The following STK31 variants were observed in gnomAD, a reference collection of about 807,000 sequenced individuals.
STK31 encodes serine/threonine kinase 31.
A neutral mutation model predicts 129.7 loss-of-function variants in STK31; 89 were observed. The ratio of observed to expected loss-of-function variants is 0.69; its 90% CI spans 0.58 to 0.82. STK31 has a LOEUF of 0.82. STK31 is among the 40% of genes least tolerant of loss of function. The pLI is 0.00. For synonymous variants in STK31, 448 were observed against 395.3 expected, an observed-to-expected ratio of 1.13 and a Z score of -1.58; for missense variants, 1,187 against 1,176.4, an observed-to-expected ratio of 1.01 and a Z score of -0.13.
intron 4 of STK31, among the ~76,000 whole-genome samples, chr7:23,724,850 G>A (rs1458314639): frequency 6.6e-6 from 1 of 152,124 alleles, no homozygotes; most frequent in Non-Finnish European, 1.5e-5. Flanking sequence ...TTATTTATTT[G>A]TTTGTCTGAA....
At chr7:23,716,606 C>G (rs1057077881) in intron 3 of STK31, among the ~76,000 whole-genome samples, 1 of 152,064 alleles carries the variant, frequency 6.6e-6, no homozygotes, top group Non-Finnish European at 1.5e-5. Context: ...GCTGTCTCTT[C>G]TCTGCCATTT....
chr7:23,825,304 A>G (rs530777152), intron 23 of STK31, among the ~76,000 whole-genome samples: 87 of 152,242 alleles, frequency 5.7e-4, no homozygotes, highest in African/African-American at 8.7e-4. Flanking sequence ...CAGAGATTCA[A>G]CTTCTTCCTG....
intron 6 of STK31, 107 bp from the exon 7 acceptor site, chr7:23,735,431 A>T: frequency 1.0e-6 from 1 of 981,278 alleles, no homozygotes; most frequent in Non-Finnish European, 1.5e-6. Context: ...AAAGTAATAT[A>T]GAGATTTTAG....
intron 23 of STK31, among the ~76,000 whole-genome samples, chr7:23,830,626 GTGTT>G (rs1334703870): frequency 6.8e-5 from 10 of 145,996 alleles, no homozygotes; most frequent in African/African-American, 2.5e-4. Flanking sequence ...GTGTGTGTGT[GTGTT>G]GTTTTTGAGC....
At chr7:23,724,455 G>C (rs2128069551) in intron 4 of STK31, among the ~76,000 whole-genome samples, 1 of 152,338 alleles carries the variant, frequency 6.6e-6, no homozygotes, top group South Asian at 2.1e-4. Context: ...AAAATTTAAA[G>C]TAGCGAGTTA....
chr7:23,819,836 C>A (rs1793696975), intron 23 of STK31, among the ~76,000 whole-genome samples: 1 of 152,028 alleles, frequency 6.6e-6, no homozygotes, highest in African/African-American at 2.4e-5. Flanking sequence ...CAAATAATGT[C>A]CTTTGAAATG....
At chr7:23,730,560 C>T (rs1341248477) in intron 6 of STK31, among the ~76,000 whole-genome samples, 3 of 151,958 alleles carry the variant, frequency 2.0e-5, no homozygotes, top group South Asian at 2.1e-4. Flanking sequence ...ATCTTGTTTA[C>T]GGACCTTAGA....
chr7:23,786,145 T>G (rs1330847761), intron 18 of STK31, among the ~76,000 whole-genome samples: 1 of 152,122 alleles, frequency 6.6e-6, no homozygotes, highest in Non-Finnish European at 1.5e-5. Flanking sequence ...ATCCAATATC[T>G]TTTTAAAATT....
chr7:23,731,129 C>T (rs1787409995), intron 6 of STK31, among the ~76,000 whole-genome samples: 1 of 151,410 alleles, frequency 6.6e-6, no homozygotes, highest in Non-Finnish European at 1.5e-5. Context: ...AGAGATCCCC[C>T]TGTCTCTGCC....
At chr7:23,710,892 A>C (rs1785912318) in intron 1 of STK31, 1 of 713,696 alleles carries the variant, frequency 1.4e-6, no homozygotes, top group South Asian at 6.3e-5. Flanking sequence ...TTCCGTGGGA[A>C]TATATAGTCT....
At chr7:23,740,741 C>T (rs1171941187) in intron 8 of STK31, among the ~76,000 whole-genome samples, 8 of 151,928 alleles carry the variant, frequency 5.3e-5, no homozygotes, top group Non-Finnish European at 1.2e-4. Context: ...TGAGAACATG[C>T]GGTGTTTGGT....
In STK31 at chr7:23,787,726, CA is replaced by C. The variant is rs914019849; in HGVS notation, c.2488-250del. ...TTTCATGAAACCGGTCCCTGGTGCCCAAAAGGTATGATTGTACACACACACA... is the reference window on the plus strand; with the variant it reads ...TTTCATGAAACCGGTCCCTGGTGCCCAAAGGTATGATTGTACACACACACA... On this transcript the variant is annotated intron_variant, in intron 20 of 23. Transcript: ENST00000355870. Among the ~76,000 whole-genome samples the C allele has an allele frequency of 7.4e-5, 11 of 148,568 alleles. No individual in the cohort carries two copies. In the Admixed American group the frequency reaches 7.5e-4, roughly 10 times the overall value.
chr7:23,807,116 AAGATAGTC>A (rs1792762290), intron 22 of STK31, among the ~76,000 whole-genome samples: 1 of 152,040 alleles, frequency 6.6e-6, no homozygotes, highest in South Asian at 2.1e-4. Flanking sequence ...TTTGTTTTTT[AAGATAGTC>A]TATTTACCCA....
intron 6 of STK31, among the ~76,000 whole-genome samples, chr7:23,733,991 A>G (rs1584350461): frequency 6.6e-6 from 1 of 152,066 alleles, no homozygotes; most frequent in African/African-American, 2.4e-5. Context: ...TACCCTCTAT[A>G]CTACTGTGTA....
Position 23,754,229 on chromosome 7 carries a change from T to C in STK31, c.1134-86T>C, listed in dbSNP as rs147763092. 3.2e-4 allele frequency: 447 copies of C among 1,410,302 alleles called. 2 individuals carry two copies. In the African/African-American group the frequency reaches 5.2e-3, roughly 16 times the overall value. The allele number at this position is 1,410,302 out of a possible 1,614,324, so 87.4% of individuals were successfully genotyped here. On this transcript the variant is annotated intron_variant, in intron 9 of 23. Transcript: ENST00000355870. Reference sequence around the variant, plus strand: ...AGCCAGTGCTGTAAACACTAACTTTTAGACCATTACTATTAAAGTGTAACT... The same window carrying C: ...AGCCAGTGCTGTAAACACTAACTTTCAGACCATTACTATTAAAGTGTAACT...
At chr7:23,805,954 G>C (rs866865726) in intron 22 of STK31, among the ~76,000 whole-genome samples, 5 of 152,198 alleles carry the variant, frequency 3.3e-5, no homozygotes, top group Admixed American at 6.5e-5. Flanking sequence ...CCAAAGTATA[G>C]ATATGAGAAT....
chr7:23,769,221 A>T (rs1230576826), intron 12 of STK31, 47 bp downstream of exon 12: 2 of 1,450,514 alleles, frequency 1.4e-6, no homozygotes, highest in Non-Finnish European at 1.8e-6. Context: ...AAACCAGGGA[A>T]TATATATTTT....
chr7:23,721,447 A>ATT, intron 4 of STK31: 1 of 1,070,962 alleles, frequency 9.3e-7, no homozygotes, highest in East Asian at 2.4e-5. Flanking sequence ...CTTCTTTGTT[A>ATT]TCTTCCATTT....
At chr7:23,799,760 G>A (rs1248302117) in intron 22 of STK31, among the ~76,000 whole-genome samples, 1 of 152,148 alleles carries the variant, frequency 6.6e-6, no homozygotes, top group Admixed American at 6.5e-5. Flanking sequence ...AAACTAAAGA[G>A]CTTCTGCACA....
Sources: allele counts gnomAD v4.1 joint callset (sites outside exome capture counted in the v4.1 genomes callset), GRCh38; gene constraint gnomAD v4.1.1; transcripts MANE v1.5; gene names NCBI Gene and HGNC (gene_info 2026-07-23, HGNC 2026-07-21).